The following GOLM2 variants were observed in gnomAD, a reference collection of about 807,000 sequenced individuals.
GOLM2 encodes the protein protein GOLM2.
GOLM2 carries 26 observed loss-of-function variants against 55.9 expected under a neutral mutation model. The observed-to-expected ratio is 0.47, with a 90% CI of 0.34 to 0.65. GOLM2 has a LOEUF of 0.65. Ranked by LOEUF, GOLM2 falls within the 30% of genes least tolerant of loss-of-function variation. The probability of loss-of-function intolerance (pLI) is 0.01; values close to 1 mark genes in which losing one functional copy is unlikely to be tolerated. For synonymous variants in GOLM2, 165 were observed against 194.6 expected, an observed-to-expected ratio of 0.85 and a Z score of 1.27; for missense variants, 486 against 531.8, an observed-to-expected ratio of 0.91 and a Z score of 0.85.
intron 6 of GOLM2, among the ~76,000 whole-genome samples, chr15:44,360,938 T>C (rs1361594785): frequency 6.6e-6 from 1 of 151,798 alleles, no homozygotes; most frequent in African/African-American, 2.4e-5. Flanking sequence ...CTGAACAACC[T>C]GCTCCTGAAT....
At chr15:44,315,488 A>G (rs1007775799) in intron 1 of GOLM2, among the ~76,000 whole-genome samples, 4 of 152,208 alleles carry the variant, frequency 2.6e-5, no homozygotes, top group Non-Finnish European at 5.9e-5. Flanking sequence ...GGAAACATGA[A>G]AAGAACTTCA....
intron 6 of GOLM2, among the ~76,000 whole-genome samples, chr15:44,358,756 A>C (rs1289183918): frequency 6.6e-6 from 1 of 152,220 alleles, no homozygotes; most frequent in African/African-American, 2.4e-5. Flanking sequence ...CTAGAAGACA[A>C]CAAGAGAAAA....
chr15:44,337,623 C>T (rs2079065697), intron 4 of GOLM2, 140 bp from the exon 5 acceptor site: 1 of 578,712 alleles, frequency 1.7e-6, no homozygotes, highest in Non-Finnish European at 2.9e-6. Context: ...ATAATGTATC[C>T]TGCATCTCCA....
At chr15:44,321,375 G>T (rs368388437) in intron 1 of GOLM2, among the ~76,000 whole-genome samples, 2 of 151,528 alleles carry the variant, frequency 1.3e-5, no homozygotes, top group Admixed American at 1.3e-4. Flanking sequence ...GGAGGCTGAG[G>T]TGGAAGGATC....
chr15:44,316,754 C>CAA (rs545702797), intron 1 of GOLM2, among the ~76,000 whole-genome samples: 60 of 84,150 alleles, frequency 7.1e-4, no homozygotes, highest in Non-Finnish European at 8.1e-4. Flanking sequence ...GACTCTGTCT[C>CAA]AAAAAAAAAA....
chr15:44,407,519 G>A (rs1413980314), intron 9 of GOLM2, among the ~76,000 whole-genome samples: 1 of 151,610 alleles, frequency 6.6e-6, no homozygotes, highest in Non-Finnish European at 1.5e-5. Flanking sequence ...CAAGCAATCA[G>A]GCCACCTCGG....
intron 1 of GOLM2, among the ~76,000 whole-genome samples, chr15:44,297,771 T>C (rs186656828): frequency 6.7e-5 from 10 of 150,194 alleles, no homozygotes; most frequent in African/African-American, 2.2e-4. Flanking sequence ...ACCATGTTAG[T>C]CAGGATGGTC....
chr15:44,342,109 A>G (rs998378750), intron 6 of GOLM2, among the ~76,000 whole-genome samples: 1 of 152,188 alleles, frequency 6.6e-6, no homozygotes, highest in African/African-American at 2.4e-5. Context: ...TGGTTGCAGC[A>G]CTATAATTTG....
Position 44,322,999 on chromosome 15 carries a change from C to A in GOLM2, c.362C>A (p.Ala121Glu). 1 of 1,576,616 alleles carries A rather than the reference C, an allele frequency of 6.3e-7. No individual in the cohort carries two copies. The highest frequency in any genetic ancestry group is 8.6e-7 in the Non-Finnish European group (1 of 1,164,860). The change falls in exon 2 of 10, where the codon GCA becomes GAA. Residue 121 changes from alanine (A) to glutamate (E), a missense_variant. Physicochemically the swap from Ala to Glu is moderately radical, Grantham distance 107. Transcript: ENST00000299957. ...KLQNNISYQM[A>E]DIHHLKEQLA... ...CAGAACAACATATCGTATCAGATGG[C>A]AGACATACATCATTTAAAGGGTAAG...
intron 8 of GOLM2, among the ~76,000 whole-genome samples, chr15:44,381,845 G>T (rs989047497): frequency 4.6e-5 from 7 of 152,036 alleles, no homozygotes; most frequent in South Asian, 2.1e-4. Context: ...AGAGACGGGG[G>T]TCTCGCTTTG....
intron 2 of GOLM2, among the ~76,000 whole-genome samples, chr15:44,326,542 A>G (rs1036845850): frequency 1.3e-4 from 20 of 151,760 alleles, no homozygotes; most frequent in Middle Eastern, 3.2e-3. Context: ...ACATTCACTG[A>G]TAGCACTTTG....
intron 6 of GOLM2, 67 bp from the exon 7 acceptor site, chr15:44,379,623 T>TG: frequency 1.5e-6 from 1 of 658,524 alleles, no homozygotes; most frequent in Non-Finnish European, 2.5e-6. Context: ...CGGTGGTTTT[T>TG]TTTTTTTTTT....
chr15:44,386,059 T>C (rs2079441883), intron 8 of GOLM2, among the ~76,000 whole-genome samples: 1 of 152,220 alleles, frequency 6.6e-6, no homozygotes, highest in Non-Finnish European at 1.5e-5. Flanking sequence ...AATTTATCTA[T>C]TTTTTGTTTT....
chr15:44,379,869 C>A, intron 7 of GOLM2, 81 bp downstream of exon 7: 2 of 749,898 alleles, frequency 2.7e-6, no homozygotes, highest in Non-Finnish European at 4.5e-6. Flanking sequence ...AAATATATCA[C>A]TTAGCAGTAT....
At chr15:44,366,861 A>G (rs898436839) in intron 6 of GOLM2, among the ~76,000 whole-genome samples, 7 of 152,170 alleles carry the variant, frequency 4.6e-5, no homozygotes, top group African/African-American at 1.7e-4. Context: ...AGACCCTGTC[A>G]AAGAAAAAAA....
intron 8 of GOLM2, among the ~76,000 whole-genome samples, chr15:44,384,894 C>T (rs1177403394): frequency 1.3e-5 from 2 of 149,310 alleles, no homozygotes; most frequent in South Asian, 2.1e-4. Context: ...GGCAACAGAG[C>T]GAGACTGCAT....
At chr15:44,299,243 TACAC>T (rs1263747633) in intron 1 of GOLM2, among the ~76,000 whole-genome samples, 1 of 152,156 alleles carries the variant, frequency 6.6e-6, no homozygotes, top group Non-Finnish European at 1.5e-5. Flanking sequence ...AGGAAACAAA[TACAC>T]AAATGCATAC....
Position 44,304,230 on chromosome 15 carries a change from C to CTTCTTTTTTT in GOLM2, c.327+14876_327+14877insCTTTTTTTTT, listed in dbSNP as rs1301281420. On this transcript the variant is annotated intron_variant, in intron 1 of 9. Transcript: ENST00000299957. ...TCAGTCACGTCTTCAGGCTCCACTTCTTTTTTTTTTTTTTTTTTTTTTTTT... is the reference window on the plus strand; with the variant it reads ...TCAGTCACGTCTTCAGGCTCCACTTCTTCTTTTTTTTTTTTTTTTTTTTTTTTTTTTTTTT... Among the ~76,000 whole-genome samples, 16 of 82,926 alleles carry CTTCTTTTTTT rather than the reference C, an allele frequency of 1.9e-4. 2 individuals are homozygous for CTTCTTTTTTT. The highest frequency in any genetic ancestry group is 6.0e-4 in the African/African-American group (12 of 20,018). The allele number at this position is 82,926 out of a possible 152,430, so 54.4% of individuals were successfully genotyped here.
At chr15:44,291,955 T>C (rs1595609031) in intron 1 of GOLM2, among the ~76,000 whole-genome samples, 1 of 152,320 alleles carries the variant, frequency 6.6e-6, no homozygotes, top group East Asian at 1.9e-4. Context: ...AAGAAGGCTA[T>C]TCAATTTTGT....
Sources: gnomAD v4.1 joint callset for allele counts (sites outside exome capture counted in the v4.1 genomes callset) on GRCh38, gnomAD v4.1.1 for gene constraint, MANE v1.5 for transcripts, NCBI Gene and HGNC (gene_info 2026-07-23, HGNC 2026-07-21) for gene names.